Variants in COLEC10 observed in about 807,000 individuals in gnomAD.
COLEC10 encodes collectin subfamily member 10.
A neutral mutation model predicts 28.4 loss-of-function variants in COLEC10; 22 were observed. That is an observed-to-expected ratio of 0.78 (90% confidence interval 0.55 to 1.11). The LOEUF (loss-of-function observed/expected upper bound fraction) is 1.11. COLEC10 is among the 50% of genes least tolerant of loss of function. The pLI, the probability that COLEC10 is intolerant of heterozygous loss-of-function variation, is 0.00. For synonymous variants in COLEC10, 125 were observed against 116.1 expected, an observed-to-expected ratio of 1.08 and a Z score of -0.49; for missense variants, 361 against 344.1, an observed-to-expected ratio of 1.05 and a Z score of -0.39.
chr8:119,070,487 CCTT>C (rs1341079129), intron 1 of COLEC10, among the ~76,000 whole-genome samples: 2 of 98,794 alleles, frequency 2.0e-5, no homozygotes, highest in African/African-American at 4.2e-5. Flanking sequence ...CCTTCCCCCT[CCTT>C]CCCTCCCTCT....
At chr8:119,031,887 G>A (rs12682083) in intron 2 of COLEC10, among the ~76,000 whole-genome samples, 6,690 of 128,628 alleles carry the variant, frequency 0.052, 216 homozygotes, top group East Asian at 0.19. Context: ...CCTTAATTTG[G>A]AAAATAGTGC....
rs186710085 is a variant in COLEC10, at chr8:119,023,998, C to A, written n.235+14445C>A. Among the ~76,000 whole-genome samples the A allele has an allele frequency of 1.8e-3, 269 of 152,258 alleles. 1 individual carries two copies. Among genetic ancestry groups the A allele is most frequent in the African/African-American group, 6.3e-3 (261 of 41,552 alleles). Reference sequence around the variant, plus strand: ...TCTAGATAGTTCCATTTGGCAGATACATGTTTACATGCCAATGTAATAAGG... The same window carrying A: ...TCTAGATAGTTCCATTTGGCAGATAAATGTTTACATGCCAATGTAATAAGG... On this transcript the variant is annotated intron_variant and non_coding_transcript_variant, in intron 2 of 6. Transcript: ENST00000521788.
intron 3 of COLEC10, among the ~76,000 whole-genome samples, chr8:119,100,537 G>A (rs571134201): frequency 6.6e-6 from 1 of 152,260 alleles, no homozygotes; most frequent in South Asian, 2.1e-4. Context: ...ACTGAGCAGG[G>A]TGCTCGACAT....
intron 2 of COLEC10, among the ~76,000 whole-genome samples, chr8:119,032,251 CA>C (rs1197687840): frequency 6.6e-6 from 1 of 152,178 alleles, no homozygotes; most frequent in Non-Finnish European, 1.5e-5. Context: ...GTTGCTAATG[CA>C]GAAGTAATTG....
In COLEC10 at chr8:119,107,256, C is replaced by T. The variant is rs1165107596; in HGVS notation, c.*1065C>T. 1.3e-5 allele frequency among the ~76,000 whole-genome samples: 2 copies of T among 152,104 alleles called. No individual in the cohort carries two copies. On this transcript the variant is annotated 3_prime_UTR_variant, in exon 6 of 6. Coordinates refer to ENST00000332843, the MANE Select transcript of COLEC10 (RefSeq NM_006438.5). ...TTCATAAATATATGTCATAGAAATCCTACTGGAGATGTCCCTTCTAATACT... is the reference window on the plus strand; with the variant it reads ...TTCATAAATATATGTCATAGAAATCTTACTGGAGATGTCCCTTCTAATACT...
chr8:119,031,506 G>C (rs946333557), intron 2 of COLEC10, among the ~76,000 whole-genome samples: 6 of 152,310 alleles, frequency 3.9e-5, no homozygotes, highest in Admixed American at 6.5e-5. Flanking sequence ...AGAACAAGTA[G>C]AAGTTAATTA....
At position 119,106,107 on chromosome 8, in the gene COLEC10, G is replaced by A. The variant is rs1171873515; in HGVS notation, c.750G>A (p.Glu250=). ...CCTATGGTCATGAGGACTGTGTGGA[G>A]ATGCTGAGCTCTGGCAGATGGAATG... ...SDPYGHEDCV[E]MLSSGRWNDT... is the part of the protein sequence containing the mutation. Residue 250 remains glutamate (E), a synonymous_variant, in exon 6 of 6, where the codon GAG becomes GAA. Coordinates refer to ENST00000332843, the MANE Select transcript of COLEC10 (RefSeq NM_006438.5). The A allele has an allele frequency of 6.2e-7, 1 of 1,613,892 alleles. No homozygotes were observed. The highest frequency in any genetic ancestry group is 8.5e-7 in the Non-Finnish European group (1 of 1,179,854).
chr8:118,979,722 A>T, the COLEC10 span, among the ~76,000 whole-genome samples: 2,586 of 152,238 alleles, frequency 0.017, 63 homozygotes, highest in African/African-American at 0.058. Flanking sequence ...ATAAATATAC[A>T]AGAATGGATG....
chr8:119,103,896 G>T lies in COLEC10; in HGVS notation c.442+1G>T, dbSNP rs1815888556. On this transcript the variant is annotated splice_donor_variant, in intron 5 of 5. Coordinates refer to ENST00000332843, the MANE Select transcript of COLEC10 (RefSeq NM_006438.5). LOFTEE classifies it high-confidence loss of function. ...ACATCTATGAAGTTTGTCAAGAATG[G>T]TGAGCATATTCTCTTTTGTGTTATG... The T allele has an allele frequency of 6.3e-7, 1 of 1,585,912 alleles. No homozygotes were observed. Among genetic ancestry groups the T allele is most frequent in the Admixed American group, 1.7e-5 (1 of 59,854 alleles).
At chr8:119,042,718 G>T (rs1814521249) in intron 2 of COLEC10, among the ~76,000 whole-genome samples, 1 of 152,152 alleles carries the variant, frequency 6.6e-6, no homozygotes, top group Non-Finnish European at 1.5e-5. Context: ...TTGGCTGAGT[G>T]ATTCATCTTT....
chr8:119,067,735 G>C (rs904751571), intron 1 of COLEC10: 1 of 254,090 alleles, frequency 3.9e-6, no homozygotes, highest in African/African-American at 2.2e-5. Context: ...ATCCAGGCAT[G>C]AGTCTCCAGA....
chr8:119,002,518 G>T (rs1294900990), intron 1 of COLEC10, among the ~76,000 whole-genome samples: 1 of 152,054 alleles, frequency 6.6e-6, no homozygotes, highest in African/African-American at 2.4e-5. Flanking sequence ...AACAACTCTG[G>T]ATTCGGGGCC....
chr8:119,080,650 G>T (rs1397780168), intron 1 of COLEC10, among the ~76,000 whole-genome samples: 1 of 152,026 alleles, frequency 6.6e-6, no homozygotes. Flanking sequence ...TTGCAAGAGG[G>T]TTCTGTGCTT....
chr8:119,107,037 C>A lies in COLEC10; in HGVS notation c.*846C>A, dbSNP rs911195114. Among the ~76,000 whole-genome samples the A allele has an allele frequency of 6.6e-6, 1 of 152,128 alleles. No homozygotes were observed. Among genetic ancestry groups the A allele is most frequent in the Non-Finnish European group, 1.5e-5 (1 of 68,026 alleles). ...AAATTGCCCACTGCTATTAACTTAACTTCATTTTTATTTATCTTAGGTTTA... is the reference window on the plus strand; with the variant it reads ...AAATTGCCCACTGCTATTAACTTAAATTCATTTTTATTTATCTTAGGTTTA... On this transcript the variant is annotated 3_prime_UTR_variant, in exon 6 of 6. Transcript: ENST00000332843.
chr8:119,099,719 A>G (rs1815785624), intron 3 of COLEC10, among the ~76,000 whole-genome samples: 1 of 152,200 alleles, frequency 6.6e-6, no homozygotes, highest in South Asian at 2.1e-4. Flanking sequence ...TGTTTTCTAT[A>G]TTATTAAGTT....
At chr8:119,008,311 G>A (rs986357622) in intron 1 of COLEC10, among the ~76,000 whole-genome samples, 1 of 150,776 alleles carries the variant, frequency 6.6e-6, no homozygotes, top group African/African-American at 2.5e-5. Context: ...ATGCTGGAAA[G>A]TCCCAGAATA....
intron 1 of COLEC10, among the ~76,000 whole-genome samples, chr8:119,070,837 C>A (rs115054638): frequency 0.014 from 2,133 of 152,074 alleles, 55 homozygotes; most frequent in African/African-American, 0.049. Flanking sequence ...GTGGATGATG[C>A]TTTACAATTT....
At chr8:118,960,260 A>T in the COLEC10 span, among the ~76,000 whole-genome samples, 3 of 152,188 alleles carry the variant, frequency 2.0e-5, no homozygotes, top group Non-Finnish European at 4.4e-5. Context: ...AAAGCTGCAG[A>T]GAAGGAAAGG....
upstream of COLEC10, chr8:119,062,848 A>C (rs1000436100): frequency 6.6e-6 from 1 of 152,196 alleles, no homozygotes; most frequent in Non-Finnish European, 1.5e-5. Flanking sequence ...ATGTGTTTGC[A>C]TGTTACTTTC....
Sources: allele counts gnomAD v4.1 joint callset (sites outside exome capture counted in the v4.1 genomes callset), GRCh38; gene constraint gnomAD v4.1.1; transcripts MANE v1.5; gene names NCBI Gene and HGNC (gene_info 2026-07-23, HGNC 2026-07-21).